BBC3: variants seen among roughly 807,000 people sequenced by gnomAD.
The protein encoded by BBC3 is bcl-2-binding component 3.
In BBC3, 5 loss-of-function variants were observed where a neutral mutation model predicts 18.2. The ratio of observed to expected loss-of-function variants is 0.27; its 90% CI spans 0.14 to 0.58. The LOEUF (loss-of-function observed/expected upper bound fraction) is 0.58, where lower values mean the gene tolerates loss of function less well. Among genes scored for constraint, BBC3 ranks in the 20% least tolerant of loss-of-function variants. The pLI, the probability that BBC3 is intolerant of heterozygous loss-of-function variation, is 0.91. For synonymous variants in BBC3, 119 were observed against 128.0 expected (o/e 0.93, Z 0.47); for missense variants, 224 against 268.9 (o/e 0.83, Z 1.17).
chr19:47,222,476 A>G (rs1266373530), intron 3 of BBC3: 4 of 152,214 alleles, frequency 2.6e-5, no homozygotes, highest in Admixed American at 6.6e-5. Context: ...CATCCTAGGA[A>G]GTGGGCAGGC....
Position 47,228,279 on chromosome 19 carries a change from G to T in BBC3, c.153C>A (p.Pro51=). The T allele has an allele frequency of 8.2e-7, 1 of 1,216,270 alleles. No individual in the cohort carries two copies. The highest frequency in any genetic ancestry group is 1.0e-6 in the Non-Finnish European group (1 of 977,678). 75.3% of individuals were successfully genotyped at this position (1,216,270 alleles called of 1,614,324 possible). ...EPGLAAAPAA[P]TLLPAAYLCA... is the part of the protein sequence containing the mutation. ...AGAGGTAGGCAGCGGGCAGCAGGGT[G>T]GGGGCGGCGGGGGCGGCAGCCAGGC... is the stretch of plus-strand genomic sequence containing the variant. The change falls in exon 2 of 4, where the codon CCC becomes CCA. Residue 51 remains proline (P), a synonymous_variant. Transcript: ENST00000439096. The surrounding 1 kb of genome is among the most constrained non-coding windows in gnomAD (Gnocchi z 5.5).
At chr19:47,226,459 C>T in intron 3 of BBC3, 105 bp downstream of exon 3, 1 of 1,185,744 alleles carries the variant, frequency 8.4e-7, no homozygotes, top group Non-Finnish European at 1.1e-6. Flanking sequence ...GCGGAGCGAC[C>T]CAGCCGCGCA....
At position 47,226,711 on chromosome 19, in the gene BBC3, C is replaced by A; in HGVS notation, c.318G>T (p.Ser106=). The A allele has an allele frequency of 6.9e-7, 1 of 1,452,468 alleles. No homozygotes were observed. The allele number at this position is 1,452,468 out of a possible 1,614,324, so 90.0% of individuals were successfully genotyped here. A position where few individuals can be genotyped will look rare whatever the true frequency, so the allele number is the denominator to read the frequency against. Residue 106 remains serine, a synonymous_variant, in exon 3 of 4, where the codon TCG becomes TCT. Coordinates refer to ENST00000439096, the MANE Select transcript of BBC3 (RefSeq NM_014417.5). Reference sequence around the variant, plus strand: ...GAGCCCCCGGGGCGCTGGGCACGGGCGACTCCAGGTGCTGCTCCGCCAGCG... The same window carrying A: ...GAGCCCCCGGGGCGCTGGGCACGGGAGACTCCAGGTGCTGCTCCGCCAGCG... ...SLSLAEQHLE[S]PVPSAPGALA... is the part of the protein sequence containing the mutation.
At chr19:47,227,093 A>C (rs1044029014) in intron 2 of BBC3, 1 of 209,938 alleles carries the variant, frequency 4.8e-6, no homozygotes, top group African/African-American at 2.3e-5. Flanking sequence ...ACAGGCAGGG[A>C]AACTGAGGCC....
At position 47,228,977 on chromosome 19, in the gene BBC3, A is replaced by G. The variant is rs995714171; in HGVS notation, c.-15-531T>C. 5.9e-5 allele frequency among the ~76,000 whole-genome samples: 9 copies of G among 151,706 alleles called. No homozygotes were observed. The highest frequency in any genetic ancestry group is 2.2e-4 in the African/African-American group (9 of 41,150). On this transcript the variant is annotated intron_variant, in intron 1 of 3. Coordinates refer to ENST00000439096, the MANE Select transcript of BBC3 (RefSeq NM_014417.5). This position sits in a 1 kb window ranked among gnomAD's most constrained non-coding sequence, Gnocchi z 5.5. ...TGAGATGGCCCCAGTCTCGGACATC[A>G]CTACTCAGTACACACAATACACACA...
chr19:47,226,895 TCTC>T (rs2058833292), intron 2 of BBC3, 141 bp from the exon 3 acceptor site: 1 of 750,466 alleles, frequency 1.3e-6, no homozygotes, highest in Non-Finnish European at 1.9e-6. Context: ...TTTCTCAGCT[TCTC>T]CTCCACAGGC....
upstream of BBC3, chr19:47,232,496 C>A (rs1487882905): frequency 2.6e-6 from 4 of 1,542,652 alleles, no homozygotes; most frequent in South Asian, 3.6e-5. Context: ...TCGGAGCATG[C>A]ACACCTGGCC....
chr19:47,221,438 C>T lies in BBC3; in HGVS notation c.*364G>A, dbSNP rs868724189. The T allele has an allele frequency of 3.8e-6, 1 of 260,674 alleles. No homozygotes were observed. The highest frequency in any genetic ancestry group is 6.9e-6 in the Non-Finnish European group (1 of 144,498). 16.1% of individuals were successfully genotyped at this position (260,674 alleles called of 1,614,324 possible). A position where few individuals can be genotyped will look rare whatever the true frequency, so the allele number is the denominator to read the frequency against. ...CACCGAGAGGAGAGCCCCCCCCTCCCAGTGTCACCCCTGCAGCTGGAACGG... is the reference window on the plus strand; with the variant it reads ...CACCGAGAGGAGAGCCCCCCCCTCCTAGTGTCACCCCTGCAGCTGGAACGG... On this transcript the variant is annotated 3_prime_UTR_variant, in exon 4 of 4. Transcript: ENST00000439096.
At chr19:47,222,095 C>T in intron 3 of BBC3, 177 bp from the exon 4 acceptor site, 1 of 566,020 alleles carries the variant, frequency 1.8e-6, no homozygotes, top group Non-Finnish European at 3.0e-6. Context: ...GGACATGAGA[C>T]CTGGAGGCAG....
In BBC3 at chr19:47,228,054, G is replaced by A. The variant is rs1294425297; in HGVS notation, c.274+104C>T. 4.1e-6 allele frequency: 4 copies of A among 978,440 alleles called. No homozygotes were observed. The East Asian group carries it at 1.1e-4, about 27-fold the overall frequency. 60.6% of individuals were successfully genotyped at this position (978,440 alleles called of 1,614,324 possible). On this transcript the variant is annotated intron_variant, in intron 2 of 3. Coordinates refer to ENST00000439096, the MANE Select transcript of BBC3 (RefSeq NM_014417.5). This position sits in a 1 kb window ranked among gnomAD's most constrained non-coding sequence, Gnocchi z 5.5. Reference sequence around the variant, plus strand: ...CACACCCTCCCAGTGGCCCGGCTGGGCCCGCCACCTCCCCCCGTCCTCTCC... The same window carrying A: ...CACACCCTCCCAGTGGCCCGGCTGGACCCGCCACCTCCCCCCGTCCTCTCC...
At position 47,221,644 on chromosome 19, in the gene BBC3, G is replaced by T. The variant is rs2058752453; in HGVS notation, c.*158C>A. On this transcript the variant is annotated 3_prime_UTR_variant, in exon 4 of 4. Transcript: ENST00000439096. Reference sequence around the variant, plus strand: ...TCAGTGCACCCCAGGCTGGGCTGGGGCTGGAGTGGCTGCCCCGGCCCGCCC... The same window carrying T: ...TCAGTGCACCCCAGGCTGGGCTGGGTCTGGAGTGGCTGCCCCGGCCCGCCC... The T allele has an allele frequency of 2.1e-6, 3 of 1,455,856 alleles. No homozygotes were observed. The African/African-American group carries it at 4.3e-5, about 21-fold the overall frequency. The allele number at this position is 1,455,856 out of a possible 1,614,324, so 90.2% of individuals were successfully genotyped here.
chr19:47,227,590 C>T (rs2058850200), intron 2 of BBC3, among the ~76,000 whole-genome samples: 1 of 152,180 alleles, frequency 6.6e-6, no homozygotes, highest in Non-Finnish European at 1.5e-5. Context: ...TGGGGCTCCA[C>T]GGGCACCACA....
chr19:47,224,734 T>A (rs1265323320), intron 3 of BBC3, among the ~76,000 whole-genome samples: 1 of 151,050 alleles, frequency 6.6e-6, no homozygotes, highest in Non-Finnish European at 1.5e-5. Context: ...AATGACTTTT[T>A]TTTTTTTTTT....
chr19:47,228,846 G>C lies in BBC3; in HGVS notation c.-15-400C>G, dbSNP rs1360620541. Among the ~76,000 whole-genome samples, 2 of 152,016 alleles carry C rather than the reference G, an allele frequency of 1.3e-5. No individual in the cohort carries two copies. Among genetic ancestry groups the C allele is most frequent in the Non-Finnish European group, 2.9e-5 (2 of 67,972 alleles). ...TTCCCAACACAGCGACGGGCACACA[G>C]GGAGGGCAGTGAGGCACAGCGAGGC... On this transcript the variant is annotated intron_variant, in intron 1 of 3. Transcript: ENST00000439096. This position sits in a 1 kb window ranked among gnomAD's most constrained non-coding sequence, Gnocchi z 5.5.
At chr19:47,231,300 C>T, upstream of BBC3, 1 of 691,414 alleles carries the variant, frequency 1.4e-6, no homozygotes, top group Non-Finnish European at 1.8e-6. The surrounding 1 kb of genome is among the most constrained non-coding windows in gnomAD (Gnocchi z 4.0). Context: ...CGTGACGCTA[C>T]GGCCCCGCCC....
At chr19:47,223,831 C>T (rs868393810) in intron 3 of BBC3, among the ~76,000 whole-genome samples, 5 of 152,102 alleles carry the variant, frequency 3.3e-5, no homozygotes, top group South Asian at 2.1e-4. Context: ...GGGGGCACAT[C>T]GGATTGGTGT....
chr19:47,223,133 T>C (rs2058770974), intron 3 of BBC3, among the ~76,000 whole-genome samples: 1 of 149,494 alleles, frequency 6.7e-6, no homozygotes, highest in African/African-American at 2.5e-5. Context: ...TAGCCGGGTG[T>C]GGTGGCGGGC....
In BBC3 at chr19:47,221,934, A is replaced by AG; in HGVS notation, c.466-17dup. The AG allele has an allele frequency of 6.3e-7, 1 of 1,588,136 alleles. No homozygotes were observed. The highest frequency in any genetic ancestry group is 8.6e-7 in the Non-Finnish European group (1 of 1,166,340). On this transcript the variant is annotated splice_polypyrimidine_tract_variant and intron_variant, in intron 3 of 3. Transcript: ENST00000439096. ...CCTCTTGTCTCTGGGGAAAAGAGAGAGAAGGGGCAGTTAGCAGGGGACTGA... is the reference window on the plus strand; with the variant it reads ...CCTCTTGTCTCTGGGGAAAAGAGAGAGGAAGGGGCAGTTAGCAGGGGACTGA...
chr19:47,227,681 C>G (rs1400074744), intron 2 of BBC3, among the ~76,000 whole-genome samples: 1 of 151,970 alleles, frequency 6.6e-6, no homozygotes, highest in Non-Finnish European at 1.5e-5. Context: ...GACTTCCCAA[C>G]ACAATGGCCC....
Sources: gnomAD v4.1 joint callset for allele counts (sites outside exome capture counted in the v4.1 genomes callset) on GRCh38, gnomAD v4.1.1 for gene constraint, Gnocchi (gnomAD v3.1) non-coding constraint, MANE v1.5 for transcripts, NCBI Gene and HGNC (gene_info 2026-07-23, HGNC 2026-07-21) for gene names.